Variants in ACBD6 observed in about 807,000 individuals in gnomAD.
The protein encoded by ACBD6 is acyl-CoA-binding domain-containing protein 6.
Under a neutral mutation model 37.2 loss-of-function variants are expected in ACBD6, and 28 were observed. The ratio of observed to expected loss-of-function variants is 0.75; its 90% CI spans 0.56 to 1.03. The LOEUF is 1.03. Among genes scored for constraint, ACBD6 ranks in the 50% least tolerant of loss-of-function variants. The pLI is 0.00. For synonymous variants in ACBD6, 113 were observed against 126.8 expected, an observed-to-expected ratio of 0.89 and a Z score of 0.73; for missense variants, 340 against 337.4, an observed-to-expected ratio of 1.01 and a Z score of -0.06.
At chr1:180,282,992 T>TTC (rs1201232532) in intron 8 of ACBD6, among the ~76,000 whole-genome samples, 2 of 135,582 alleles carry the variant, frequency 1.5e-5, no homozygotes, top group Non-Finnish European at 3.2e-5. Context: ...TTTTTTTTTT[T>TTC]TGGAAGGGTT....
intron 3 of ACBD6, among the ~76,000 whole-genome samples, chr1:180,460,075 C>T (rs1650077914): frequency 6.7e-6 from 1 of 150,368 alleles, no homozygotes; most frequent in Non-Finnish European, 1.5e-5. Flanking sequence ...TGGTGTGCTG[C>T]ACCCATTAAC....
At chr1:180,439,836 T>C (rs952120223) in intron 3 of ACBD6, among the ~76,000 whole-genome samples, 1 of 152,196 alleles carries the variant, frequency 6.6e-6, no homozygotes, top group Non-Finnish European at 1.5e-5. Flanking sequence ...TTACTGTTAT[T>C]GTTAAGGAGA....
chr1:180,380,212 T>G (rs1178913592), intron 6 of ACBD6, among the ~76,000 whole-genome samples: 1 of 152,088 alleles, frequency 6.6e-6, no homozygotes, highest in Non-Finnish European at 1.5e-5. Context: ...AGTGAGCCAT[T>G]ATCATGCTAC....
chr1:180,287,578 C>CT (rs72179174), downstream of ACBD6, among the ~76,000 whole-genome samples: 1,071 of 71,508 alleles, frequency 0.015, 19 homozygotes, highest in Non-Finnish European at 0.018. Context: ...CAGATCTAAG[C>CT]TTTTTTTTTT....
intron 3 of ACBD6, among the ~76,000 whole-genome samples, chr1:180,455,308 G>C (rs1422130689): frequency 6.6e-6 from 1 of 152,072 alleles, no homozygotes; most frequent in Non-Finnish European, 1.5e-5. Context: ...ATTCATAAGT[G>C]GGAGGTGAAC....
Position 180,288,459 on chromosome 1 carries a change from G to A in ACBD6, c.753C>T (p.Pro251=). The change falls in exon 8 of 8, where the codon CCC becomes CCT. Residue 251 remains proline (P), a synonymous_variant. Transcript: ENST00000367595. The part of the protein sequence containing the change: ...VELLLQSGAD[P]TLRDQDGCLP... ...GGCAGCCATCCTGGTCTCGGAGAGT[G>A]GGGTCAGCACCAGACTGGAGCAGCA... 6.2e-7 allele frequency: 1 copy of A among 1,613,738 alleles called. No homozygotes were observed. The highest frequency in any genetic ancestry group is 1.1e-5 in the South Asian group (1 of 91,038).
At chr1:180,466,523 T>C (rs189594360) in intron 3 of ACBD6, among the ~76,000 whole-genome samples, 92 of 152,338 alleles carry the variant, frequency 6.0e-4, no homozygotes, top group African/African-American at 2.0e-3. Flanking sequence ...AGCTTGACAC[T>C]TTCCCAACAC....
chr1:180,327,455 A>G (rs1347281076), intron 6 of ACBD6, among the ~76,000 whole-genome samples: 1 of 152,152 alleles, frequency 6.6e-6, no homozygotes, highest in Non-Finnish European at 1.5e-5. Context: ...TGCCTCTTTT[A>G]ATAATATGAA....
At chr1:180,282,972 G>GTTTTTTTTTTT (rs34828086) in intron 8 of ACBD6, among the ~76,000 whole-genome samples, 1 of 109,988 alleles carries the variant, frequency 9.1e-6, no homozygotes, top group South Asian at 3.4e-4. Flanking sequence ...ATGTCTTTCT[G>GTTTTTTTTTTT]TTTTTTTTTT....
intron 6 of ACBD6, among the ~76,000 whole-genome samples, chr1:180,392,888 G>A (rs1654127956): frequency 8.5e-6 from 1 of 117,572 alleles, no homozygotes. Flanking sequence ...ACACATTTCT[G>A]TACCACTTAA....
Position 180,413,478 on chromosome 1 carries a change from TA to T in ACBD6, c.468-8del, listed in dbSNP as rs772708341. 42 of 1,591,572 alleles carry T rather than the reference TA, an allele frequency of 2.6e-5. No homozygotes were observed. The highest frequency in any genetic ancestry group is 2.5e-5 in the Non-Finnish European group (29 of 1,162,528). On this transcript the variant is annotated splice_region_variant and splice_polypyrimidine_tract_variant and intron_variant, in intron 4 of 7. Transcript: ENST00000367595. The stretch of plus-strand genomic sequence containing the variant: ...TATATTTTTGTCTTCTTCCCTAGAA[TA>T]AAAAAAAGAAAGGTCTTTTTTTACT...
intron 6 of ACBD6, among the ~76,000 whole-genome samples, chr1:180,395,403 A>T (rs1049791142): frequency 2.0e-5 from 3 of 152,174 alleles, no homozygotes; most frequent in Admixed American, 6.6e-5. Flanking sequence ...AAAGACCAGA[A>T]GATTTGGTAG....
Position 180,459,040 on chromosome 1 carries a change from T to C in ACBD6, c.385-28778A>G, listed in dbSNP as rs545531616. Among the ~76,000 whole-genome samples, 4 of 152,280 alleles carry C rather than the reference T, an allele frequency of 2.6e-5. No individual in the cohort carries two copies. The South Asian group carries it at 6.2e-4, about 24-fold the overall frequency. ...CAAAGTTCTAATAAAAGTAATGATA[T>C]TTTTTCAAGATCTCAGTAGTGTAAA... is the stretch of plus-strand genomic sequence containing the variant. On this transcript the variant is annotated intron_variant, in intron 3 of 7. Coordinates refer to ENST00000367595, the MANE Select transcript of ACBD6 (RefSeq NM_032360.4).
At chr1:180,358,252 C>T (rs1280911753) in intron 6 of ACBD6, among the ~76,000 whole-genome samples, 1 of 152,114 alleles carries the variant, frequency 6.6e-6, no homozygotes, top group Non-Finnish European at 1.5e-5. Flanking sequence ...CATGGTGAAA[C>T]CCTGTCTCTA....
chr1:180,309,227 A>G (rs922117209), intron 7 of ACBD6, among the ~76,000 whole-genome samples: 6 of 152,226 alleles, frequency 3.9e-5, no homozygotes, highest in African/African-American at 7.2e-5. Flanking sequence ...GTTCAACAAT[A>G]TATGTTAAGA....
chr1:180,495,956 C>T (rs12069389), intron 1 of ACBD6, among the ~76,000 whole-genome samples: 15,565 of 152,110 alleles, frequency 0.1, 1,134 homozygotes, highest in African/African-American at 0.19. Context: ...ATTCTCATAA[C>T]GCTATTAGCA....
chr1:180,366,767 T>C (rs1653069414), intron 6 of ACBD6, among the ~76,000 whole-genome samples: 1 of 152,240 alleles, frequency 6.6e-6, no homozygotes, highest in Non-Finnish European at 1.5e-5. Context: ...TAAAATGTCA[T>C]CTACATATAT....
chr1:180,455,485 C>T (rs1354297127), intron 3 of ACBD6, among the ~76,000 whole-genome samples: 2 of 151,770 alleles, frequency 1.3e-5, no homozygotes, highest in Non-Finnish European at 2.9e-5. Context: ...CAAACCTGCA[C>T]GTTCTGCACA....
Position 180,348,144 on chromosome 1 carries a change from A to G in ACBD6, c.664-33422T>C, listed in dbSNP as rs56362545. Among the ~76,000 whole-genome samples, 670 of 152,362 alleles carry G rather than the reference A, an allele frequency of 4.4e-3. 2 individuals are homozygous for G. Among genetic ancestry groups the G allele is most frequent in the Non-Finnish European group, 7.3e-3 (499 of 68,032 alleles). ...TGTTGAATGAATAAATGCACAAAAG[A>G]AAAATATAATGAAAGAAAAAATGAG... On this transcript the variant is annotated intron_variant, in intron 6 of 7. Coordinates refer to ENST00000367595, the MANE Select transcript of ACBD6 (RefSeq NM_032360.4).
Sources: allele counts gnomAD v4.1 joint callset (sites outside exome capture counted in the v4.1 genomes callset), GRCh38; gene constraint gnomAD v4.1.1; transcripts MANE v1.5; gene names NCBI Gene and HGNC (gene_info 2026-07-23, HGNC 2026-07-21).